Variants in KCNH6 observed in about 807,000 individuals in gnomAD.
KCNH6 encodes potassium voltage-gated channel subfamily H member 6, also known as voltage-gated inwardly rectifying potassium channel KCNH6.
In KCNH6, 81 loss-of-function variants were observed where a neutral mutation model predicts 83.4. The ratio of observed to expected loss-of-function variants is 0.97; its 90% CI spans 0.81 to 1.17. KCNH6 has a LOEUF of 1.17. Ranked by LOEUF, KCNH6 falls within the 50% of genes most tolerant of loss-of-function variation. The probability of loss-of-function intolerance (pLI) is 0.00; values close to 1 mark genes in which losing one functional copy is unlikely to be tolerated. For synonymous variants in KCNH6, 503 were observed against 545.6 expected, an observed-to-expected ratio of 0.92 and a Z score of 1.09; for missense variants, 1,203 against 1,290.5, an observed-to-expected ratio of 0.93 and a Z score of 1.04.
chr17:63,530,679 GC>G, intron 4 of KCNH6, 137 bp downstream of exon 4: 1 of 750,676 alleles, frequency 1.3e-6, no homozygotes, highest in African/African-American at 1.8e-5. Flanking sequence ...TCTGGTTTGA[GC>G]CCCGGGCCTC....
At chr17:63,532,380 C>G (rs1375208362) in intron 4 of KCNH6, among the ~76,000 whole-genome samples, 2 of 152,200 alleles carry the variant, frequency 1.3e-5, no homozygotes, top group African/African-American at 4.8e-5. Context: ...CAGTTGAGAG[C>G]CCATGTGGAC....
rs1343733900 is a variant in KCNH6, at chr17:63,538,294, G to A, written c.1701+30G>A. On this transcript the variant is annotated intron_variant, in intron 7 of 12. Coordinates refer to ENST00000314672, the MANE Select transcript of KCNH6 (RefSeq NM_001278919.2). This position sits in a 1 kb window ranked among gnomAD's most constrained non-coding sequence, Gnocchi z 4.0. Reference sequence around the variant, plus strand: ...GCCCCGCCGCTCCGGCTAATGCCCCGGGCGTGGGGGGGAGCCAAGATCCTG... The same window carrying A: ...GCCCCGCCGCTCCGGCTAATGCCCCAGGCGTGGGGGGGAGCCAAGATCCTG... The A allele has an allele frequency of 4.5e-6, 7 of 1,556,654 alleles. No individual in the cohort carries two copies. In the South Asian group the frequency reaches 6.7e-5, roughly 15 times the overall value.
chr17:63,534,113 T>G lies in KCNH6; in HGVS notation c.903T>G (p.Thr301=). The change falls in exon 5 of 13, where the codon ACT becomes ACG. Residue 301 remains threonine (T), a synonymous_variant. Transcript: ENST00000314672. The surrounding 1 kb of genome is among the most constrained non-coding windows in gnomAD (Gnocchi z 5.0). ...GCAGCTATACCTGCAGTCCCCTCAC[T>G]GTGGTGGATCTCATCGTGGACATCA... ...GACSYTCSPL[T]VVDLIVDIMF... 1 of 1,171,146 alleles carries G rather than the reference T, an allele frequency of 8.5e-7. No homozygotes were observed. Among genetic ancestry groups the G allele is most frequent in the Non-Finnish European group, 1.1e-6 (1 of 871,326 alleles). 72.5% of individuals were successfully genotyped at this position (1,171,146 alleles called of 1,614,324 possible).
chr17:63,545,084 G>A lies in KCNH6; in HGVS notation c.2403G>A (p.Glu801=), dbSNP rs1447016462. Residue 801 remains glutamate (E), a synonymous_variant, in exon 12 of 13, where the codon GAG becomes GAA. Coordinates refer to ENST00000314672, the MANE Select transcript of KCNH6 (RefSeq NM_001278919.2). ...EQLQAQMNRL[E]SRVSSDLSRI... is the part of the protein sequence containing the mutation. ...GTGGGGTTCTGTCTGGCAGGCTGGA[G>A]TCCCGCGTGTCCTCAGACCTCAGCC... is the stretch of plus-strand genomic sequence containing the variant. 1 of 1,612,746 alleles carries A rather than the reference G, an allele frequency of 6.2e-7. No individual in the cohort carries two copies. Among genetic ancestry groups the A allele is most frequent in the South Asian group, 1.1e-5 (1 of 91,090 alleles).
At position 63,538,206 on chromosome 17, in the gene KCNH6, G is replaced by C. The variant is rs1235391865; in HGVS notation, c.1643G>C (p.Arg548Pro). The change falls in exon 7 of 13, where the codon CGC (arginine) becomes CCC (proline). Residue 548 changes from arginine to proline, a missense_variant. Coordinates refer to ENST00000314672, the MANE Select transcript of KCNH6 (RefSeq NM_001278919.2). The surrounding 1 kb of genome is among the most constrained non-coding windows in gnomAD (Gnocchi z 4.0). Reference protein sequence around the residue: ...FHQIPNPLRQRLEEYFQHAWS... With the variant: ...FHQIPNPLRQPLEEYFQHAWS... ...CAGATCCCCAACCCACTGCGCCAGC[G>C]CCTGGAGGAGTATTTCCAGCACGCC... The C allele has an allele frequency of 6.2e-7, 1 of 1,614,096 alleles. No individual in the cohort carries two copies. The highest frequency in any genetic ancestry group is 1.3e-5 in the African/African-American group (1 of 74,950).
Position 63,533,803 on chromosome 17 carries a change from C to T in KCNH6, c.676-83C>T, listed in dbSNP as rs2032277306. 1 of 1,365,638 alleles carries T rather than the reference C, an allele frequency of 7.3e-7. No individual in the cohort carries two copies. Among genetic ancestry groups the T allele is most frequent in the African/African-American group, 1.4e-5 (1 of 70,286 alleles). The allele number at this position is 1,365,638 out of a possible 1,614,324, so 84.6% of individuals were successfully genotyped here. ...TGGTCACCCACCCTCTCCCACTACA[C>T]CTTCCCCAGGCCTCAGCCCTCTAGG... On this transcript the variant is annotated intron_variant, in intron 4 of 12. Transcript: ENST00000314672. This position sits in a 1 kb window ranked among gnomAD's most constrained non-coding sequence, Gnocchi z 4.1.
intron 4 of KCNH6, 113 bp downstream of exon 4, chr17:63,530,655 TC>T: frequency 2.2e-6 from 2 of 909,952 alleles, no homozygotes; most frequent in Non-Finnish European, 3.4e-6. Context: ...ATCCTGCCTG[TC>T]CAGCCTCTAA....
downstream of KCNH6, among the ~76,000 whole-genome samples, chr17:63,548,267 A>G (rs2033185931): frequency 6.6e-6 from 1 of 151,874 alleles, no homozygotes; most frequent in Non-Finnish European, 1.5e-5. Flanking sequence ...CTCCGTTTCA[A>G]AAAAAAAGTA....
chr17:63,533,600 C>G lies in KCNH6; in HGVS notation c.676-286C>G, dbSNP rs2032264519. ...TGGCTCCACCCACTCCAGGATGTTT[C>G]CAAGGGAGCTTGTGAGCATCAAACC... On this transcript the variant is annotated intron_variant, in intron 4 of 12. Transcript: ENST00000314672. The surrounding 1 kb of genome is among the most constrained non-coding windows in gnomAD (Gnocchi z 4.1). Among the ~76,000 whole-genome samples the G allele has an allele frequency of 6.6e-6, 1 of 152,104 alleles. No individual in the cohort carries two copies. Among genetic ancestry groups the G allele is most frequent in the African/African-American group, 2.4e-5 (1 of 41,420 alleles).
rs757878179 is a variant in KCNH6 at position 63,538,301 on chromosome 17, G to GC, written c.1701+37_1701+38insC. ...CGCTCCGGCTAATGCCCCGGGCGTG[G>GC]GGGGGAGCCAAGATCCTGCGGGGGC... On this transcript the variant is annotated intron_variant, in intron 7 of 12. Coordinates refer to ENST00000314672, the MANE Select transcript of KCNH6 (RefSeq NM_001278919.2). This position sits in a 1 kb window ranked among gnomAD's most constrained non-coding sequence, Gnocchi z 4.0. 2.4e-4 allele frequency: 392 copies of GC among 1,608,594 alleles called. 5 individuals carry two copies. The Admixed American group carries it at 4.3e-3, about 18-fold the overall frequency.
chr17:63,524,414 C>T, intron 2 of KCNH6, 45 bp downstream of exon 2: 1 of 1,554,918 alleles, frequency 6.4e-7, no homozygotes, highest in South Asian at 1.1e-5. Flanking sequence ...AGGCTTGGCC[C>T]TCTGTCTTGT....
chr17:63,536,714 T>C (rs1384352640), intron 6 of KCNH6, among the ~76,000 whole-genome samples: 3 of 151,990 alleles, frequency 2.0e-5, no homozygotes, highest in South Asian at 4.2e-4. Flanking sequence ...CCCAGCACTT[T>C]GGGAGGCCGA....
chr17:63,536,952 CAAAAAAAAAAAAAA>C (rs60039258), intron 6 of KCNH6, among the ~76,000 whole-genome samples: 6 of 56,534 alleles, frequency 1.1e-4, no homozygotes, highest in East Asian at 1.1e-3. Context: ...GACTCCGTCT[CAAAAAAAAAAAAAA>C]AAAAAAAAAA....
intron 2 of KCNH6, among the ~76,000 whole-genome samples, chr17:63,528,198 G>A (rs1204361564): frequency 6.6e-6 from 1 of 152,208 alleles, no homozygotes; most frequent in African/African-American, 2.4e-5. Flanking sequence ...GGCCAAGGAG[G>A]CTCCCTGTCT....
chr17:63,545,503 G>A, intron 12 of KCNH6, 106 bp from the exon 13 acceptor site: 2 of 1,213,384 alleles, frequency 1.6e-6, no homozygotes, highest in South Asian at 1.4e-5. Context: ...GGACCCTGAG[G>A]TGTGGGAAGG....
In KCNH6 at chr17:63,538,195, A is replaced by T. The variant is rs1251703879; in HGVS notation, c.1632A>T (p.Pro544=). 4 of 1,613,998 alleles carry T rather than the reference A, an allele frequency of 2.5e-6. No homozygotes were observed. Among genetic ancestry groups the T allele is most frequent in the Non-Finnish European group, 3.4e-6 (4 of 1,179,952 alleles). Residue 544 remains proline, a synonymous_variant, in exon 7 of 13, where the codon CCA becomes CCT. Transcript: ENST00000314672. This position sits in a 1 kb window ranked among gnomAD's most constrained non-coding sequence, Gnocchi z 4.0. ...TCCGCTTCCACCAGATCCCCAACCC[A>T]CTGCGCCAGCGCCTGGAGGAGTATT... ...EFIRFHQIPN[P]LRQRLEEYFQ... is the part of the protein sequence containing the mutation.
Position 63,533,159 on chromosome 17 carries a change from G to C in KCNH6, c.676-727G>C, listed in dbSNP as rs1236612715. On this transcript the variant is annotated intron_variant, in intron 4 of 12. Coordinates refer to ENST00000314672, the MANE Select transcript of KCNH6 (RefSeq NM_001278919.2). The surrounding 1 kb of genome is among the most constrained non-coding windows in gnomAD (Gnocchi z 4.1). ...GGGCAGAGCCAGGGCATGTTGTGCT[G>C]GGACCTAGAGATCCTGGGTTGATCA... Among the ~76,000 whole-genome samples the C allele has an allele frequency of 2.0e-5, 3 of 151,940 alleles. No individual in the cohort carries two copies. The highest frequency in any genetic ancestry group is 7.3e-5 in the African/African-American group (3 of 41,350).
rs2032389922 is a variant in KCNH6 at position 63,535,027 on chromosome 17, C to T, written c.1102-642C>T. Among the ~76,000 whole-genome samples the T allele has an allele frequency of 6.6e-6, 1 of 152,210 alleles. No individual in the cohort carries two copies. Among genetic ancestry groups the T allele is most frequent in the South Asian group, 2.1e-4 (1 of 4,832 alleles). On this transcript the variant is annotated intron_variant, in intron 5 of 12. Coordinates refer to ENST00000314672, the MANE Select transcript of KCNH6 (RefSeq NM_001278919.2). The surrounding 1 kb of genome is among the most constrained non-coding windows in gnomAD (Gnocchi z 4.9). ...AACTTGCCAGTCTCCCGCCCCTCCA[C>T]ACAGCTGCCACAGCGACTTTCAGAT...
Position 63,524,183 on chromosome 17 carries a change from A to G in KCNH6, c.121A>G (p.Ile41Val). The G allele has an allele frequency of 6.2e-7, 1 of 1,614,174 alleles. No homozygotes were observed. The highest frequency in any genetic ancestry group is 8.5e-7 in the Non-Finnish European group (1 of 1,180,018). The change falls in exon 2 of 13, where the codon ATC (isoleucine) becomes GTC (valine). Residue 41 changes from isoleucine (I) to valine (V), a missense_variant. Coordinates refer to ENST00000314672, the MANE Select transcript of KCNH6 (RefSeq NM_001278919.2). Reference protein sequence around the residue: ...IANAQMENCAIIYCNDGFCEL... With the variant: ...IANAQMENCAVIYCNDGFCEL... ...CAATGCTCAGATGGAGAACTGCGCC[A>G]TCATTTACTGCAACGACGGCTTCTG...
Sources: allele counts gnomAD v4.1 joint callset (sites outside exome capture counted in the v4.1 genomes callset), GRCh38; gene constraint gnomAD v4.1.1; non-coding constraint Gnocchi (gnomAD v3.1); transcripts MANE v1.5; gene names NCBI Gene and HGNC (gene_info 2026-07-23, HGNC 2026-07-21).